The following RAB19 variants were observed in gnomAD, a reference collection of about 807,000 sequenced individuals.
RAB19 encodes ras-related protein Rab-19.
A neutral mutation model predicts 17.3 loss-of-function variants in RAB19; 21 were observed. The ratio of observed to expected loss-of-function variants is 1.21; its 90% CI spans 0.86 to 1.74. The LOEUF (loss-of-function observed/expected upper bound fraction) is 1.74, where lower values mean the gene tolerates loss of function less well. Ranked by LOEUF, RAB19 falls within the 40% of genes most tolerant of loss-of-function variation. The pLI is 0.00. For missense variants in RAB19, 277 were observed against 286.8 expected (o/e 0.97, Z 0.25); for synonymous variants, 126 against 110.4 (o/e 1.14, Z -0.88).
intron 3 of RAB19, among the ~76,000 whole-genome samples, chr7:140,423,615 C>G (rs1799600198): frequency 6.6e-6 from 1 of 152,018 alleles, no homozygotes; most frequent in African/African-American, 2.4e-5. Flanking sequence ...ATATATGAAT[C>G]CATTTATATA....
In RAB19 at chr7:140,426,193, T is replaced by A; in HGVS notation, c.*43T>A. ...TTGCACCCACCAAAGAGGCCGCCTCTGAAACCAAAGGTAGCCAGGATACCG... is the reference window on the plus strand; with the variant it reads ...TTGCACCCACCAAAGAGGCCGCCTCAGAAACCAAAGGTAGCCAGGATACCG... On this transcript the variant is annotated 3_prime_UTR_variant, in exon 4 of 4. Transcript: ENST00000537763. 9 of 1,588,886 alleles carry A rather than the reference T, an allele frequency of 5.7e-6. No individual in the cohort carries two copies. Among genetic ancestry groups the A allele is most frequent in the Non-Finnish European group, 7.7e-6 (9 of 1,167,588 alleles).
In RAB19 at chr7:140,418,501, G is replaced by A. The variant is rs564728137; in HGVS notation, c.385+6444G>A. On this transcript the variant is annotated intron_variant, in intron 3 of 3. Coordinates refer to ENST00000537763, the MANE Select transcript of RAB19 (RefSeq NM_001008749.3). The stretch of plus-strand genomic sequence containing the variant: ...TGAGGCAGGAGAATTGCTTGAACCC[G>A]GGAGGCAGAGGTTGCGGTGAGCCGA... Among the ~76,000 whole-genome samples the A allele has an allele frequency of 5.3e-5, 8 of 151,478 alleles. No homozygotes were observed. The East Asian group carries it at 7.8e-4, about 15-fold the overall frequency.
chr7:140,425,309 C>G lies in RAB19; in HGVS notation c.386-573C>G, dbSNP rs926106567. The stretch of plus-strand genomic sequence containing the variant: ...TCAAACAAAACAAAACAAAACAAAA[C>G]AAAGTCTTCCCTTATGCACCTCCAA... On this transcript the variant is annotated intron_variant, in intron 3 of 3. Coordinates refer to ENST00000537763, the MANE Select transcript of RAB19 (RefSeq NM_001008749.3). Among the ~76,000 whole-genome samples the G allele has an allele frequency of 6.0e-5, 9 of 151,014 alleles. No homozygotes were observed. In the East Asian group the frequency reaches 1.8e-3, roughly 30 times the overall value.
chr7:140,415,167 C>T (rs1444394710), intron 3 of RAB19, among the ~76,000 whole-genome samples: 2 of 151,870 alleles, frequency 1.3e-5, no homozygotes, highest in Non-Finnish European at 2.9e-5. Flanking sequence ...CTCCACCACC[C>T]GGGTTCAAGT....
chr7:140,413,201 G>C (rs1338740647), intron 3 of RAB19, among the ~76,000 whole-genome samples: 1 of 152,146 alleles, frequency 6.6e-6, no homozygotes, highest in East Asian at 1.9e-4. Context: ...TAGATGTATA[G>C]ATTTATTTCT....
At chr7:140,411,400 A>G (rs1799359083) in intron 2 of RAB19, among the ~76,000 whole-genome samples, 4 of 151,580 alleles carry the variant, frequency 2.6e-5, no homozygotes, top group Non-Finnish European at 5.9e-5. Context: ...ACTCCATCTC[A>G]AAAAAAATAG....
At position 140,411,952 on chromosome 7, in the gene RAB19, A is replaced by G. The variant is rs367914337; in HGVS notation, c.280A>G (p.Ile94Val). 3.5e-5 allele frequency: 56 copies of G among 1,614,094 alleles called. No homozygotes were observed. Among genetic ancestry groups the G allele is most frequent in the Non-Finnish European group, 4.7e-5 (56 of 1,180,056 alleles). ...QSYYRSAHAA[I>V]IAYDLTRRST... ...CTACTACCGCAGTGCCCACGCAGCCATCATCGCCTATGACCTCACCCGGCG... is the reference window on the plus strand; with the variant it reads ...CTACTACCGCAGTGCCCACGCAGCCGTCATCGCCTATGACCTCACCCGGCG... The change falls in exon 3 of 4, where the codon ATC becomes GTC. Residue 94 changes from isoleucine to valine, a missense_variant. Transcript: ENST00000537763.
At chr7:140,411,767 C>T (rs554675319) in intron 2 of RAB19, 107 bp from the exon 3 acceptor site, 1 of 1,600,212 alleles carries the variant, frequency 6.2e-7, no homozygotes, top group Admixed American at 1.7e-5. Context: ...GTCTGAATAT[C>T]TAGAAGTGAG....
intron 3 of RAB19, among the ~76,000 whole-genome samples, chr7:140,417,403 TA>T (rs35477728): frequency 0.31 from 43,807 of 143,464 alleles, 7,804 homozygotes; most frequent in African/African-American, 0.49. Flanking sequence ...CCCTATCTCT[TA>T]AAAAAAAAAA....
At chr7:140,405,383 G>A (rs1799218132) in intron 1 of RAB19, among the ~76,000 whole-genome samples, 1 of 151,978 alleles carries the variant, frequency 6.6e-6, no homozygotes, top group Non-Finnish European at 1.5e-5. Flanking sequence ...ACCACGCCCG[G>A]CTAATTTTTT....
At chr7:140,424,270 G>A (rs1799612668) in intron 3 of RAB19, among the ~76,000 whole-genome samples, 1 of 151,574 alleles carries the variant, frequency 6.6e-6, no homozygotes, top group African/African-American at 2.4e-5. Flanking sequence ...TGATTCTCCT[G>A]CTTCAGCCTC....
intron 3 of RAB19, among the ~76,000 whole-genome samples, chr7:140,416,139 T>G (rs893296230): frequency 1.3e-5 from 2 of 151,918 alleles, no homozygotes; most frequent in African/African-American, 4.8e-5. Context: ...GGTCGGGAAT[T>G]CGAGACCAGC....
chr7:140,413,761 G>T (rs956566168), intron 3 of RAB19, among the ~76,000 whole-genome samples: 1 of 152,216 alleles, frequency 6.6e-6, no homozygotes, highest in Non-Finnish European at 1.5e-5. Flanking sequence ...GAGCAAAGAT[G>T]GGAGAGCTGT....
chr7:140,411,875 T>G lies in RAB19; in HGVS notation c.203T>G (p.Met68Arg). 1 of 1,614,162 alleles carries G rather than the reference T, an allele frequency of 6.2e-7. No individual in the cohort carries two copies. ...SLDIDGKKVK[M>R]QVWDTAGQER... Reference sequence around the variant, plus strand: ...ACTCTCCTTCCTGTCCTTCTCCAGATGCAGGTGTGGGACACAGCTGGCCAG... The same window carrying G: ...ACTCTCCTTCCTGTCCTTCTCCAGAGGCAGGTGTGGGACACAGCTGGCCAG... The change falls in exon 3 of 4, where the codon ATG becomes AGG. Residue 68 changes from methionine to arginine, a missense_variant and splice_region_variant. Met to Arg is a moderately conservative substitution (Grantham distance 91). Coordinates refer to ENST00000537763, the MANE Select transcript of RAB19 (RefSeq NM_001008749.3).
At chr7:140,406,950 A>G (rs574912516) in intron 1 of RAB19, among the ~76,000 whole-genome samples, 16 of 151,408 alleles carry the variant, frequency 1.1e-4, no homozygotes, top group African/African-American at 3.9e-4. Flanking sequence ...CAAAGGCATG[A>G]TCTCGGATCA....
rs570062702 is a variant in RAB19, at chr7:140,427,356, G to C, written c.*1206G>C. Among the ~76,000 whole-genome samples, 1 of 149,854 alleles carries C rather than the reference G, an allele frequency of 6.7e-6. No individual in the cohort carries two copies. Among genetic ancestry groups the C allele is most frequent in the Non-Finnish European group, 1.5e-5 (1 of 67,824 alleles). On this transcript the variant is annotated 3_prime_UTR_variant, in exon 4 of 4. Transcript: ENST00000537763. Reference sequence around the variant, plus strand: ...TTTAGTAGAGACTGGGTTTCACTACGTTGGTCAGGCTGGTCTTGAACTCCT... The same window carrying C: ...TTTAGTAGAGACTGGGTTTCACTACCTTGGTCAGGCTGGTCTTGAACTCCT...
At chr7:140,407,915 C>CTCCGTCTCAA in intron 2 of RAB19, 68 bp downstream of exon 2, 3 of 1,103,714 alleles carry the variant, frequency 2.7e-6, no homozygotes, top group Non-Finnish European at 3.8e-6. Context: ...TTCCTTGAGA[C>CTCCGTCTCAA]GGAGTCTCGC....
chr7:140,407,879 C>CTT, intron 2 of RAB19, 32 bp downstream of exon 2: 3 of 848,166 alleles, frequency 3.5e-6, no homozygotes, highest in Non-Finnish European at 3.5e-6. Flanking sequence ...ACTGGTTCCA[C>CTT]CTTTTTTTTT....
At chr7:140,413,585 C>T (rs1799404277) in intron 3 of RAB19, among the ~76,000 whole-genome samples, 1 of 152,018 alleles carries the variant, frequency 6.6e-6, no homozygotes, top group South Asian at 2.1e-4. Flanking sequence ...CCTATAGTCC[C>T]AGCTACTTGA....
Sources: allele counts gnomAD v4.1 joint callset (sites outside exome capture counted in the v4.1 genomes callset), GRCh38; gene constraint gnomAD v4.1.1; transcripts MANE v1.5; gene names NCBI Gene and HGNC (gene_info 2026-07-23, HGNC 2026-07-21).